SLC12A6: variants seen among roughly 807,000 people sequenced by gnomAD.
SLC12A6 encodes the protein solute carrier family 12 member 6.
A neutral mutation model predicts 135.3 loss-of-function variants in SLC12A6; 66 were observed. The ratio of observed to expected loss-of-function variants is 0.49; its 90% confidence interval spans 0.40 to 0.60. The LOEUF is 0.60. SLC12A6 is among the 20% of genes least tolerant of loss of function. SLC12A6 has a pLI of 0.00. For missense variants in SLC12A6, 1,058 were observed against 1,452.3 expected, an observed-to-expected ratio of 0.73 and a Z score of 4.41; for synonymous variants, 513 against 508.8, an observed-to-expected ratio of 1.01 and a Z score of -0.11.
intron 13 of SLC12A6, among the ~76,000 whole-genome samples, chr15:34,249,634 G>A (rs1364968782): frequency 6.6e-6 from 1 of 152,094 alleles, no homozygotes; most frequent in Non-Finnish European, 1.5e-5. Flanking sequence ...GTAAGTTTCA[G>A]GCTTTTATTT....
intron 2 of SLC12A6, among the ~76,000 whole-genome samples, chr15:34,281,137 T>C (rs866498726): frequency 3.9e-5 from 6 of 152,154 alleles, no homozygotes; most frequent in South Asian, 4.1e-4. Context: ...TTCTACACTA[T>C]TGAAGGATGA....
At chr15:34,303,974 G>A (rs1896430232) in intron 2 of SLC12A6, among the ~76,000 whole-genome samples, 1 of 152,128 alleles carries the variant, frequency 6.6e-6, no homozygotes, top group African/African-American at 2.4e-5. Flanking sequence ...TCTTAATATA[G>A]TCACACTGTT....
At chr15:34,287,285 T>A (rs1214392108) in intron 2 of SLC12A6, among the ~76,000 whole-genome samples, 3 of 152,226 alleles carry the variant, frequency 2.0e-5, no homozygotes, top group Non-Finnish European at 4.4e-5. Context: ...TCCAGCTTCA[T>A]CCATGTCCCT....
chr15:34,265,183 C>A (rs150533780), intron 3 of SLC12A6, among the ~76,000 whole-genome samples: 7,018 of 152,080 alleles, frequency 0.046, 219 homozygotes, highest in Non-Finnish European at 0.073. Context: ...GGCGACAGAG[C>A]GAGACTCCGT....
chr15:34,284,413 C>G (rs139999737), intron 2 of SLC12A6, among the ~76,000 whole-genome samples: 4,117 of 150,562 alleles, frequency 0.027, 188 homozygotes, highest in African/African-American at 0.095. Context: ...CCTGGGATTA[C>G]AGGCACCCGC....
chr15:34,234,119 T>C, intron 25 of SLC12A6, 147 bp from the exon 26 acceptor site: 2 of 681,368 alleles, frequency 2.9e-6, no homozygotes, highest in African/African-American at 1.8e-5. Context: ...TTGGATTGAA[T>C]TTAACCCTGT....
At chr15:34,242,283 G>C in intron 16 of SLC12A6, 62 bp from the exon 17 acceptor site, 1 of 1,253,116 alleles carries the variant, frequency 8.0e-7, no homozygotes, top group Non-Finnish European at 1.2e-6. Context: ...CTATGTTAAA[G>C]GTGCTTCTCA....
At position 34,231,756 on chromosome 15, in the gene SLC12A6, AT is replaced by A. The variant is rs919654507; in HGVS notation, c.*2124del. ...AGGCGCCCGCCACCATGCCCGACTA[AT>A]TTTTTTGTATTTTTGTAGAGACAGG... On this transcript the variant is annotated 3_prime_UTR_variant, in exon 26 of 26. Coordinates refer to ENST00000354181, the MANE Select transcript of SLC12A6 (RefSeq NM_001365088.1). 5 of 151,790 alleles carry A rather than the reference AT, an allele frequency of 3.3e-5. No homozygotes were observed. Among genetic ancestry groups the A allele is most frequent in the Admixed American group, 6.6e-5 (1 of 15,210 alleles). The allele number at this position is 151,790 out of a possible 1,614,324, so 9.4% of individuals were successfully genotyped here. A position where few individuals can be genotyped will look rare whatever the true frequency, so the allele number is the denominator to read the frequency against.
chr15:34,235,337 T>C (rs756624500), intron 24 of SLC12A6, 23 bp from the exon 25 acceptor site: 96 of 1,609,686 alleles, frequency 6.0e-5, no homozygotes, highest in Non-Finnish European at 8.0e-5. Context: ...GAAATAAAGG[T>C]TGTTAAGGTA....
chr15:34,263,626 T>C (rs1375817264), intron 3 of SLC12A6, among the ~76,000 whole-genome samples: 2 of 151,738 alleles, frequency 1.3e-5, no homozygotes, highest in Non-Finnish European at 2.9e-5. Flanking sequence ...TATGCAAAAG[T>C]TATATAATTA....
intron 2 of SLC12A6, among the ~76,000 whole-genome samples, chr15:34,327,380 A>G (rs1365888534): frequency 6.6e-6 from 1 of 152,196 alleles, no homozygotes; most frequent in Non-Finnish European, 1.5e-5. Flanking sequence ...CAAACAAACA[A>G]CTTTAGCCAG....
intron 2 of SLC12A6, among the ~76,000 whole-genome samples, chr15:34,276,775 TATCACA>T: frequency 6.6e-6 from 1 of 152,232 alleles, no homozygotes; most frequent in East Asian, 1.9e-4. Flanking sequence ...GACATTTTTA[TATCACA>T]TTATTGTTTT....
Position 34,254,234 on chromosome 15 carries a change from G to A in SLC12A6, c.1118+114C>T, listed in dbSNP as rs571475316. ...GAAGGAAGTCTAACTGGGCTTATCT[G>A]AGAGGGAAAATCTCAGAGAGACTCT... On this transcript the variant is annotated intron_variant, in intron 9 of 25. Coordinates refer to ENST00000354181, the MANE Select transcript of SLC12A6 (RefSeq NM_001365088.1). 1.6e-4 allele frequency: 177 copies of A among 1,141,758 alleles called. 1 individual carries two copies. The highest frequency in any genetic ancestry group is 9.6e-4 in the South Asian group (78 of 81,108). The allele number at this position is 1,141,758 out of a possible 1,614,324, so 70.7% of individuals were successfully genotyped here.
chr15:34,308,039 C>G (rs1255118065), intron 2 of SLC12A6, among the ~76,000 whole-genome samples: 1 of 152,034 alleles, frequency 6.6e-6, no homozygotes, highest in East Asian at 1.9e-4. Flanking sequence ...GTATTTTTCT[C>G]TAGAAAGAAT....
chr15:34,297,649 C>G (rs1895963435), intron 2 of SLC12A6, among the ~76,000 whole-genome samples: 1 of 152,104 alleles, frequency 6.6e-6, no homozygotes, highest in Non-Finnish European at 1.5e-5. Flanking sequence ...TTGATCAAGG[C>G]AGTGTGAACT....
At position 34,260,986 on chromosome 15, in the gene SLC12A6, G is replaced by T; in HGVS notation, c.351C>A (p.Leu117=). Residue 117 remains leucine (L), a synonymous_variant, in exon 4 of 26, where the codon CTC becomes CTA. Transcript: ENST00000354181. The part of the protein sequence containing the change: ...DGHKKARNAY[L]NNSNYEEGDE... ...CTCCTTCTTCATAATTGGAATTATT[G>T]AGATAAGCATTTCGAGCTTTCTTAT... 6.3e-7 allele frequency: 1 copy of T among 1,579,726 alleles called. No individual in the cohort carries two copies. Among genetic ancestry groups the T allele is most frequent in the Non-Finnish European group, 8.7e-7 (1 of 1,149,018 alleles).
chr15:34,271,754 T>C (rs1893971539), intron 3 of SLC12A6, among the ~76,000 whole-genome samples: 1 of 152,066 alleles, frequency 6.6e-6, no homozygotes, highest in South Asian at 2.1e-4. Flanking sequence ...GAACAGTAGA[T>C]ACATTAAAAT....
intron 3 of SLC12A6, among the ~76,000 whole-genome samples, chr15:34,273,742 T>C (rs561803473): frequency 1.1e-4 from 16 of 152,234 alleles, no homozygotes; most frequent in African/African-American, 3.9e-4. Flanking sequence ...AAAGCATACA[T>C]AGACACACAA....
intron 16 of SLC12A6, among the ~76,000 whole-genome samples, chr15:34,243,079 G>C (rs1047190991): frequency 3.0e-4 from 46 of 151,990 alleles, no homozygotes; most frequent in African/African-American, 1.1e-3. Flanking sequence ...TTTTAGTAGA[G>C]ACGGGGTTTC....
Sources: allele counts gnomAD v4.1 joint callset (sites outside exome capture counted in the v4.1 genomes callset), GRCh38; gene constraint gnomAD v4.1.1; transcripts MANE v1.5; gene names NCBI Gene and HGNC (gene_info 2026-07-23, HGNC 2026-07-21).